FBXL17: variants seen among roughly 807,000 people sequenced by gnomAD.
FBXL17 encodes the protein F-box and leucine rich repeat protein 17, also known as F-box/LRR-repeat protein 17.
A neutral mutation model predicts 66.2 loss-of-function variants in FBXL17; 22 were observed. The observed-to-expected ratio is 0.33, with a 90% CI of 0.24 to 0.47. The LOEUF (loss-of-function observed/expected upper bound fraction) is 0.47, where lower values mean the gene tolerates loss of function less well. Ranked by LOEUF, FBXL17 falls within the 20% of genes least tolerant of loss-of-function variation. The pLI, the probability that FBXL17 is intolerant of heterozygous loss-of-function variation, is 1.00. For missense variants in FBXL17, 878 were observed against 948.2 expected (o/e 0.93, Z 0.97); for synonymous variants, 474 against 400.5 (o/e 1.18, Z -2.19).
intron 7 of FBXL17, among the ~76,000 whole-genome samples, chr5:107,887,442 A>G (rs982668397): frequency 1.3e-5 from 2 of 152,202 alleles, no homozygotes; most frequent in African/African-American, 4.8e-5. Context: ...ATCTTCTGCT[A>G]TGGATCTATG....
At chr5:108,067,269 T>C (rs1748151254) in intron 6 of FBXL17, among the ~76,000 whole-genome samples, 1 of 152,196 alleles carries the variant, frequency 6.6e-6, no homozygotes, top group Admixed American at 6.5e-5. Context: ...AATATCTACT[T>C]CGTATTTTTG....
At chr5:108,176,531 C>T (rs1046073527) in intron 6 of FBXL17, among the ~76,000 whole-genome samples, 6 of 152,086 alleles carry the variant, frequency 3.9e-5, no homozygotes, top group Non-Finnish European at 7.4e-5. Flanking sequence ...TAAATATTCA[C>T]ATTATTCTAT....
At chr5:107,926,140 T>C (rs989210059) in intron 7 of FBXL17, among the ~76,000 whole-genome samples, 1 of 152,182 alleles carries the variant, frequency 6.6e-6, no homozygotes, top group East Asian at 1.9e-4. Flanking sequence ...CCTAGAAAAG[T>C]ACCTAAACAT....
intron 6 of FBXL17, among the ~76,000 whole-genome samples, chr5:108,164,782 T>C (rs958486483): frequency 1.3e-4 from 20 of 152,208 alleles, no homozygotes; most frequent in African/African-American, 4.8e-4. Flanking sequence ...ACTTGCGCAA[T>C]GACAAGCAGG....
intron 7 of FBXL17, among the ~76,000 whole-genome samples, chr5:107,946,835 C>T (rs1421630015): frequency 3.9e-5 from 6 of 151,938 alleles, no homozygotes; most frequent in Non-Finnish European, 7.4e-5. Flanking sequence ...GAGAAAAATA[C>T]CCATGAATGG....
At chr5:108,146,306 C>CA (rs112908152) in intron 6 of FBXL17, among the ~76,000 whole-genome samples, 360 of 135,496 alleles carry the variant, frequency 2.7e-3, no homozygotes, top group Middle Eastern at 0.011. Context: ...CACTTTGGTA[C>CA]AAAAAAAAAA....
chr5:108,226,177 C>T (rs1755091924), intron 4 of FBXL17, among the ~76,000 whole-genome samples: 1 of 152,158 alleles, frequency 6.6e-6, no homozygotes, highest in Non-Finnish European at 1.5e-5. Context: ...AATAACTCTT[C>T]CCTCCCTCTC....
chr5:108,264,870 G>C (rs1756983834), intron 4 of FBXL17, among the ~76,000 whole-genome samples: 1 of 151,228 alleles, frequency 6.6e-6, no homozygotes, highest in Non-Finnish European at 1.5e-5. Flanking sequence ...ATTTCCTAAT[G>C]CTATCTAGTA....
intron 5 of FBXL17, among the ~76,000 whole-genome samples, chr5:108,198,641 C>T (rs1365489277): frequency 6.6e-6 from 1 of 152,166 alleles, no homozygotes; most frequent in Non-Finnish European, 1.5e-5. Context: ...ACTCCCCAAA[C>T]ACTGAATCAG....
intron 7 of FBXL17, among the ~76,000 whole-genome samples, chr5:108,006,552 T>C (rs919990826): frequency 4.6e-5 from 7 of 152,210 alleles, no homozygotes; most frequent in Admixed American, 3.9e-4. Context: ...AGCCTTCTAT[T>C]CTGCATTTAG....
intron 3 of FBXL17, among the ~76,000 whole-genome samples, chr5:108,360,754 C>A (rs1748292780): frequency 6.6e-6 from 1 of 152,084 alleles, no homozygotes; most frequent in African/African-American, 2.4e-5. Context: ...CCACCCATCT[C>A]TTAGGCTCTA....
intron 4 of FBXL17, among the ~76,000 whole-genome samples, chr5:108,338,509 C>A (rs1168677286): frequency 3.9e-5 from 6 of 151,952 alleles, no homozygotes; most frequent in Non-Finnish European, 8.8e-5. Flanking sequence ...TTTTTTATCC[C>A]CAAACTCTCC....
At chr5:108,313,718 G>T (rs1759229529) in intron 4 of FBXL17, among the ~76,000 whole-genome samples, 1 of 151,838 alleles carries the variant, frequency 6.6e-6, no homozygotes, top group South Asian at 2.1e-4. Flanking sequence ...TCATTCAACA[G>T]CCTGAGTGAC....
chr5:107,929,834 C>T (rs527816815), intron 7 of FBXL17, among the ~76,000 whole-genome samples: 138 of 151,880 alleles, frequency 9.1e-4, no homozygotes, highest in Non-Finnish European at 1.6e-3. Flanking sequence ...GAGTCTAGGA[C>T]GGGAGAAGAG....
intron 6 of FBXL17, among the ~76,000 whole-genome samples, chr5:108,086,091 C>T (rs1220466918): frequency 6.6e-6 from 1 of 152,130 alleles, no homozygotes; most frequent in Non-Finnish European, 1.5e-5. Flanking sequence ...AACTGGAATT[C>T]CTCAATCCCA....
intron 7 of FBXL17, among the ~76,000 whole-genome samples, chr5:107,943,547 CTT>C (rs5870290): frequency 5.0e-4 from 72 of 144,712 alleles, no homozygotes; most frequent in African/African-American, 1.4e-3. Flanking sequence ...AGAACCTCAT[CTT>C]TTTTTTTTTT....
chr5:108,175,877 A>T (rs1183678766), intron 6 of FBXL17, among the ~76,000 whole-genome samples: 1 of 152,220 alleles, frequency 6.6e-6, no homozygotes, highest in East Asian at 1.9e-4. Flanking sequence ...TTAATAACTA[A>T]TCACAGGAGA....
intron 7 of FBXL17, among the ~76,000 whole-genome samples, chr5:107,928,253 A>G (rs772702880): frequency 5.3e-5 from 8 of 152,064 alleles, no homozygotes; most frequent in Non-Finnish European, 1.2e-4. Flanking sequence ...CACTAAGATT[A>G]AAGAGGCAGT....
chr5:108,098,109 C>T (rs1749451166), intron 6 of FBXL17, among the ~76,000 whole-genome samples: 1 of 151,982 alleles, frequency 6.6e-6, no homozygotes. Flanking sequence ...TGGATGGAAA[C>T]ATAGTGACTT....
Sources: allele counts gnomAD v4.1 joint callset (sites outside exome capture counted in the v4.1 genomes callset), GRCh38; gene constraint gnomAD v4.1.1; transcripts MANE v1.5; gene names NCBI Gene and HGNC (gene_info 2026-07-23, HGNC 2026-07-21).